Variants in PRICKLE1 observed in about 807,000 individuals in gnomAD.
The protein encoded by PRICKLE1 is prickle-like protein 1.
In PRICKLE1, 14 loss-of-function variants were observed where a neutral mutation model predicts 70.2. The ratio of observed to expected loss-of-function variants is 0.20; its 90% CI spans 0.13 to 0.31. The LOEUF (loss-of-function observed/expected upper bound fraction) is 0.31. PRICKLE1 is among the 10% of genes least tolerant of loss of function. The pLI, the probability that PRICKLE1 is intolerant of heterozygous loss-of-function variation, is 1.00. For synonymous variants in PRICKLE1, 357 were observed against 379.9 expected (o/e 0.94, Z 0.70); for missense variants, 821 against 1,026.2 (o/e 0.80, Z 2.73).
intron 2 of PRICKLE1, among the ~76,000 whole-genome samples, chr12:42,470,766 C>T (rs150595573): frequency 5.9e-4 from 90 of 152,016 alleles, no homozygotes; most frequent in African/African-American, 1.9e-3. Context: ...ATTAGCTGGG[C>T]GTGGTGATGC....
chr12:42,476,170 T>C (rs1397118043), intron 1 of PRICKLE1, among the ~76,000 whole-genome samples: 1 of 150,240 alleles, frequency 6.7e-6, no homozygotes, highest in Non-Finnish European at 1.5e-5. Context: ...ACATCATCAC[T>C]AGCAACTTCT....
rs1180240249 is a variant in PRICKLE1 at position 42,493,009 on chromosome 12, TAA to T, written c.-48-20447_-48-20446del. On this transcript the variant is annotated intron_variant, in intron 1 of 7. Transcript: ENST00000345127. Reference sequence around the variant, plus strand: ...ACCTGACTCAGAATCTTGCGCATACTAAGTCTTAATTATCAGTCCATTTATTT... The same window carrying T: ...ACCTGACTCAGAATCTTGCGCATACTGTCTTAATTATCAGTCCATTTATTT... Among the ~76,000 whole-genome samples, 6 of 152,340 alleles carry T rather than the reference TAA, an allele frequency of 3.9e-5. No homozygotes were observed. In the South Asian group the frequency reaches 8.3e-4, roughly 21 times the overall value.
intron 1 of PRICKLE1, chr12:42,550,169 T>G (rs1162689968): frequency 1.3e-5 from 2 of 152,350 alleles, no homozygotes; most frequent in East Asian, 3.9e-4. Flanking sequence ...ACACAGCAGC[T>G]CACCCAAACA....
chr12:42,476,703 T>G (rs561055710), intron 1 of PRICKLE1, among the ~76,000 whole-genome samples: 1 of 152,264 alleles, frequency 6.6e-6, no homozygotes, highest in South Asian at 2.1e-4. Context: ...TGGAGTGCAG[T>G]GGCACAATCA....
At chr12:42,471,171 A>G (rs1169646650) in intron 2 of PRICKLE1, among the ~76,000 whole-genome samples, 2 of 152,124 alleles carry the variant, frequency 1.3e-5, no homozygotes, top group Non-Finnish European at 2.9e-5. Context: ...CATGAGTGCT[A>G]TTTTCTGAAT....
intron 1 of PRICKLE1, among the ~76,000 whole-genome samples, chr12:42,517,275 G>A (rs1203426903): frequency 1.3e-5 from 2 of 148,878 alleles, no homozygotes; most frequent in African/African-American, 5.0e-5. Flanking sequence ...TTTGCAAGGG[G>A]ACAGAACTAA....
intron 1 of PRICKLE1, among the ~76,000 whole-genome samples, chr12:42,487,532 T>C (rs1939011134): frequency 6.6e-6 from 1 of 152,210 alleles, no homozygotes. Context: ...CTGACCCTCC[T>C]TCCTTTGTGA....
At chr12:42,500,041 G>A (rs897389145) in intron 1 of PRICKLE1, among the ~76,000 whole-genome samples, 10 of 151,982 alleles carry the variant, frequency 6.6e-5, no homozygotes, top group Non-Finnish European at 1.5e-4. Flanking sequence ...ATGAGCCACC[G>A]TGCCCATCCA....
intron 1 of PRICKLE1, among the ~76,000 whole-genome samples, chr12:42,516,878 C>G (rs1939620961): frequency 6.6e-6 from 1 of 152,188 alleles, no homozygotes; most frequent in South Asian, 2.1e-4. Flanking sequence ...CTTTTCCCAT[C>G]TCCTGCCTAT....
At chr12:42,534,451 G>C (rs559349080) in intron 1 of PRICKLE1, among the ~76,000 whole-genome samples, 1 of 152,332 alleles carries the variant, frequency 6.6e-6, no homozygotes, top group East Asian at 1.9e-4. Context: ...GCCAGCAACA[G>C]TGTGTGAGCT....
chr12:42,471,374 A>G (rs1938315757), intron 2 of PRICKLE1, among the ~76,000 whole-genome samples: 1 of 152,206 alleles, frequency 6.6e-6, no homozygotes, highest in African/African-American at 2.4e-5. Context: ...GGAGACAGGA[A>G]TTTAGGGCCT....
chr12:42,505,411 G>C (rs1939391130), intron 1 of PRICKLE1, among the ~76,000 whole-genome samples: 1 of 152,158 alleles, frequency 6.6e-6, no homozygotes, highest in South Asian at 2.1e-4. Context: ...TATGATGCAT[G>C]GGAATTAGGT....
rs755044211 is a variant in PRICKLE1, at chr12:42,558,005, C to T, written c.-49+31460G>A. 3.3e-5 allele frequency among the ~76,000 whole-genome samples: 5 copies of T among 152,092 alleles called. No individual in the cohort carries two copies. In the East Asian group the frequency reaches 7.7e-4, roughly 23 times the overall value. On this transcript the variant is annotated intron_variant, in intron 1 of 7. Coordinates refer to ENST00000345127, the MANE Select transcript of PRICKLE1 (RefSeq NM_153026.3). ...TTCACGTGCTTAGTAATTGGCACAT[C>T]GGAGTGATGACAGCCTCCAAATCAG...
At chr12:42,511,494 A>T (rs1440997629) in intron 1 of PRICKLE1, among the ~76,000 whole-genome samples, 1 of 152,228 alleles carries the variant, frequency 6.6e-6, no homozygotes, top group Non-Finnish European at 1.5e-5. Context: ...GTATTTATTG[A>T]ATTTCCTCTG....
intron 1 of PRICKLE1, among the ~76,000 whole-genome samples, chr12:42,531,246 C>A (rs1258143474): frequency 6.6e-6 from 1 of 151,104 alleles, no homozygotes; most frequent in East Asian, 2.0e-4. Flanking sequence ...CGGGGTTTCA[C>A]CGTGTTAGCC....
At chr12:42,563,872 A>T (rs1460509651) in intron 1 of PRICKLE1, among the ~76,000 whole-genome samples, 1 of 152,082 alleles carries the variant, frequency 6.6e-6, no homozygotes, top group African/African-American at 2.4e-5. Context: ...ACAGTTAATG[A>T]TTATGTTGGG....
intron 1 of PRICKLE1, among the ~76,000 whole-genome samples, chr12:42,562,831 C>T: frequency 6.6e-6 from 1 of 152,114 alleles, no homozygotes; most frequent in East Asian, 1.9e-4. Flanking sequence ...TGCCCAGAAA[C>T]ACTGGGCAGT....
intron 1 of PRICKLE1, among the ~76,000 whole-genome samples, chr12:42,560,380 C>T (rs1033049087): frequency 5.9e-5 from 9 of 151,934 alleles, no homozygotes; most frequent in Admixed American, 2.0e-4. Flanking sequence ...GTGATCCACC[C>T]GCCTCGGCTT....
chr12:42,575,693 CAAAAAAAAATAA>C (rs1446303985), intron 1 of PRICKLE1, among the ~76,000 whole-genome samples: 1 of 144,458 alleles, frequency 6.9e-6, no homozygotes, highest in Non-Finnish European at 1.5e-5. Flanking sequence ...AACTCCATCT[CAAAAAAAAATAA>C]AAAAAAAAAT....
Sources: allele counts gnomAD v4.1 joint callset (sites outside exome capture counted in the v4.1 genomes callset), GRCh38; gene constraint gnomAD v4.1.1; transcripts MANE v1.5; gene names NCBI Gene and HGNC (gene_info 2026-07-23, HGNC 2026-07-21).